DKK3: variants seen among roughly 807,000 people sequenced by gnomAD.
DKK3 encodes dickkopf Wnt signaling pathway inhibitor 3, also known as dickkopf-related protein 3.
Under a neutral mutation model 33.2 loss-of-function variants are expected in DKK3, and 22 were observed. That is an observed-to-expected ratio of 0.66 (90% CI 0.47 to 0.95). The LOEUF is 0.95. Among genes scored for constraint, DKK3 ranks in the 40% least tolerant of loss-of-function variants. The pLI, the probability that DKK3 is intolerant of heterozygous loss-of-function variation, is 0.00. For missense variants in DKK3, 398 were observed against 458.4 expected, an observed-to-expected ratio of 0.87 and a Z score of 1.20; for synonymous variants, 194 against 188.8, an observed-to-expected ratio of 1.03 and a Z score of -0.23.
At chr11:12,003,011 A>G (rs959479497) in intron 1 of DKK3, among the ~76,000 whole-genome samples, 1 of 152,214 alleles carries the variant, frequency 6.6e-6, no homozygotes, top group Non-Finnish European at 1.5e-5. Context: ...AGACAATTCT[A>G]AAGCATGTAG....
At chr11:11,990,930 T>C (rs1483642771) in intron 3 of DKK3, among the ~76,000 whole-genome samples, 1 of 152,224 alleles carries the variant, frequency 6.6e-6, no homozygotes, top group Non-Finnish European at 1.5e-5. Context: ...AGATGATACA[T>C]GTTCCTGCCA....
intron 3 of DKK3, among the ~76,000 whole-genome samples, chr11:11,978,469 A>T (rs56012445): frequency 4.1e-3 from 362 of 88,432 alleles, no homozygotes; most frequent in Non-Finnish European, 5.5e-3. Flanking sequence ...TCCTTCCTCC[A>T]CTTCTTCTTT....
At chr11:11,975,732 G>A (rs937653110) in intron 3 of DKK3, among the ~76,000 whole-genome samples, 1 of 152,102 alleles carries the variant, frequency 6.6e-6, no homozygotes, top group East Asian at 1.9e-4. Context: ...GAGAGTCCAG[G>A]CACAGTTCCC....
chr11:12,008,884 C>A (rs912830279), upstream of DKK3: 1 of 1,116,816 alleles, frequency 9.0e-7, no homozygotes, highest in African/African-American at 1.6e-5. The surrounding 1 kb of genome is among the most constrained non-coding windows in gnomAD (Gnocchi z 4.6). Context: ...GATGCTGGAG[C>A]CCTCGCCAGA....
intron 3 of DKK3, among the ~76,000 whole-genome samples, chr11:11,984,120 C>T (rs1011142864): frequency 1.3e-5 from 2 of 152,112 alleles, no homozygotes; most frequent in South Asian, 2.1e-4. Context: ...GGGGTCTTAA[C>T]TTTTTTTGTA....
rs780540189 is a variant in DKK3, at chr11:11,964,764, T to G, written c.831-78A>C. The stretch of plus-strand genomic sequence containing the variant: ...CGAAAGCTAAGGCGCCCTGACTCTG[T>G]GGGGCTCCCAGCCTCACCTTCATGC... On this transcript the variant is annotated intron_variant, in intron 6 of 6. Coordinates refer to ENST00000683431, the MANE Select transcript of DKK3 (RefSeq NM_001018057.2). The G allele has an allele frequency of 4.5e-6, 7 of 1,544,838 alleles. No individual in the cohort carries two copies. The South Asian group carries it at 4.7e-5, about 10-fold the overall frequency.
intron 3 of DKK3, among the ~76,000 whole-genome samples, chr11:11,978,511 CTTCT>C (rs1323203140): frequency 1.5e-4 from 22 of 142,222 alleles, no homozygotes; most frequent in African/African-American, 5.8e-4. Flanking sequence ...TTTCTTCTTT[CTTCT>C]TTTTTTTATC....
At chr11:11,998,820 T>C (rs1848357808) in intron 2 of DKK3, 41 bp from the exon 3 acceptor site, 30 of 1,471,242 alleles carry the variant, frequency 2.0e-5, no homozygotes, top group Non-Finnish European at 2.6e-5. Flanking sequence ...ATAGAAGGAA[T>C]TCTGGACAAA....
At chr11:11,999,924 T>C (rs1261987527) in intron 2 of DKK3, among the ~76,000 whole-genome samples, 1 of 152,214 alleles carries the variant, frequency 6.6e-6, no homozygotes, top group African/African-American at 2.4e-5. Context: ...GATCATGCTT[T>C]TACATTTTTA....
At chr11:11,987,819 T>C (rs1848102515) in intron 3 of DKK3, among the ~76,000 whole-genome samples, 1 of 152,216 alleles carries the variant, frequency 6.6e-6, no homozygotes, top group Non-Finnish European at 1.5e-5. Flanking sequence ...TTCAGAAGCC[T>C]TCTCAGTTAC....
chr11:11,979,532 C>T (rs1462385944), intron 3 of DKK3, among the ~76,000 whole-genome samples: 1 of 152,198 alleles, frequency 6.6e-6, no homozygotes, highest in Non-Finnish European at 1.5e-5. Context: ...CTAACTCTAC[C>T]CTCCTGAGAA....
Position 12,002,282 on chromosome 11 carries a change from G to A in DKK3, c.351+18C>T. ...GACTGGACGCTATAGAAAGGAGGAA[G>A]TGCTGGCCATGACTTACCTTGTGAA... On this transcript the variant is annotated intron_variant, in intron 2 of 6. Coordinates refer to ENST00000683431, the MANE Select transcript of DKK3 (RefSeq NM_001018057.2). 1 of 1,609,480 alleles carries A rather than the reference G, an allele frequency of 6.2e-7. No homozygotes were observed. Among genetic ancestry groups the A allele is most frequent in the Non-Finnish European group, 8.5e-7 (1 of 1,176,838 alleles).
intron 1 of DKK3, among the ~76,000 whole-genome samples, chr11:12,003,747 T>TTA (rs1564926552): frequency 6.7e-6 from 1 of 150,334 alleles, no homozygotes; most frequent in Non-Finnish European, 1.5e-5. Flanking sequence ...TTTTTTTTTT[T>TTA]AAAAAAAGAA....
intron 3 of DKK3, among the ~76,000 whole-genome samples, chr11:11,980,382 G>A (rs1367044674): frequency 6.6e-6 from 1 of 152,210 alleles, no homozygotes; most frequent in Non-Finnish European, 1.5e-5. Context: ...ATGAGTTCCT[G>A]TAAGACTGTC....
upstream of DKK3, chr11:12,009,627 C>T (rs931923865): frequency 6.1e-6 from 6 of 985,688 alleles, no homozygotes; most frequent in African/African-American, 8.7e-5. Flanking sequence ...GGGAATGTTC[C>T]TCAGTCCCAC....
At chr11:11,973,074 G>A (rs945470904) in intron 3 of DKK3, among the ~76,000 whole-genome samples, 2 of 152,190 alleles carry the variant, frequency 1.3e-5, no homozygotes, top group Non-Finnish European at 2.9e-5. Context: ...TGAAGTGAAA[G>A]GCACATCAAA....
At chr11:12,008,960 G>A, upstream of DKK3, 2 of 1,013,102 alleles carry the variant, frequency 2.0e-6, no homozygotes, top group Non-Finnish European at 2.4e-6. The surrounding 1 kb of genome is among the most constrained non-coding windows in gnomAD (Gnocchi z 4.6). Context: ...CTCTGTCCCC[G>A]GTTCAAACCC....
intron 2 of DKK3, among the ~76,000 whole-genome samples, chr11:12,000,768 C>CT (rs1404609655): frequency 6.6e-6 from 1 of 152,074 alleles, no homozygotes; most frequent in Non-Finnish European, 1.5e-5. Context: ...ATCCTCCCAC[C>CT]TTAGCCTCCC....
At chr11:11,996,405 T>C (rs1848294442) in intron 3 of DKK3, among the ~76,000 whole-genome samples, 1 of 152,218 alleles carries the variant, frequency 6.6e-6, no homozygotes, top group Non-Finnish European at 1.5e-5. Context: ...GAAAGAATTC[T>C]GTGGACATGG....
Sources: gnomAD v4.1 joint callset for allele counts (sites outside exome capture counted in the v4.1 genomes callset) on GRCh38, gnomAD v4.1.1 for gene constraint, Gnocchi (gnomAD v3.1) non-coding constraint, MANE v1.5 for transcripts, NCBI Gene and HGNC (gene_info 2026-07-23, HGNC 2026-07-21) for gene names.